Variants in LCORL observed in about 807,000 individuals in gnomAD.
LCORL encodes ligand dependent nuclear receptor corepressor like.
LCORL carries 41 observed loss-of-function variants against 141.8 expected under a neutral mutation model. The observed-to-expected ratio is 0.29, with a 90% CI of 0.23 to 0.38. LCORL has a LOEUF of 0.38. LCORL is among the 10% of genes least tolerant of loss of function. The probability of loss-of-function intolerance (pLI) is 1.00; values close to 1 mark genes in which losing one functional copy is unlikely to be tolerated. For missense variants in LCORL, 1,759 were observed against 2,035.0 expected, an observed-to-expected ratio of 0.86 and a Z score of 2.61; for synonymous variants, 618 against 694.1, an observed-to-expected ratio of 0.89 and a Z score of 1.72.
At chr4:17,986,315 G>C (rs973592180) in intron 1 of LCORL, among the ~76,000 whole-genome samples, 8 of 152,264 alleles carry the variant, frequency 5.3e-5, no homozygotes, top group Admixed American at 4.6e-4. Context: ...AGTGAGGTTG[G>C]GGAGGTTTTC....
chr4:17,948,175 G>A (rs1405385000), intron 4 of LCORL, among the ~76,000 whole-genome samples: 3 of 151,932 alleles, frequency 2.0e-5, no homozygotes, highest in Non-Finnish European at 2.9e-5. Context: ...TAAAAAAATA[G>A]TATTTTAAGT....
chr4:17,847,393 A>G (rs1372197013), intron 7 of LCORL, among the ~76,000 whole-genome samples: 2 of 152,138 alleles, frequency 1.3e-5, no homozygotes, highest in Admixed American at 1.3e-4. Flanking sequence ...ACCAACTCAT[A>G]TGCCATTCAA....
At chr4:17,846,398 GTA>G (rs1722942039) in intron 7 of LCORL, among the ~76,000 whole-genome samples, 1 of 152,144 alleles carries the variant, frequency 6.6e-6, no homozygotes, top group East Asian at 1.9e-4. Context: ...TGAGAGTTAA[GTA>G]CAAATATGCC....
intron 4 of LCORL, among the ~76,000 whole-genome samples, chr4:17,916,625 C>T (rs1577410003): frequency 6.7e-6 from 1 of 149,724 alleles, no homozygotes; most frequent in Admixed American, 6.7e-5. Flanking sequence ...AGCATGAAAG[C>T]ATGAGCCAAT....
chr4:17,915,236 C>T (rs1259006323), intron 4 of LCORL, among the ~76,000 whole-genome samples: 1 of 152,082 alleles, frequency 6.6e-6, no homozygotes, highest in African/African-American at 2.4e-5. Context: ...AAGATGGAAG[C>T]CTCCTGCAAG....
At chr4:17,907,552 A>G (rs541447889) in intron 5 of LCORL, among the ~76,000 whole-genome samples, 1 of 152,222 alleles carries the variant, frequency 6.6e-6, no homozygotes, top group African/African-American at 2.4e-5. Flanking sequence ...AAAAGCAAAT[A>G]AAAAAAATTC....
In LCORL at chr4:17,897,213, C is replaced by CCTTTTTTTTTTTTTTTTTT. The variant is rs1553863446; in HGVS notation, c.683-11053_683-11052insAAAAAAAAAAAAAAAAAAG. Among the ~76,000 whole-genome samples, 116 of 63,986 alleles carry CCTTTTTTTTTTTTTTTTTT rather than the reference C, an allele frequency of 1.8e-3. 55 individuals are homozygous for CCTTTTTTTTTTTTTTTTTT. The highest frequency in any genetic ancestry group is 2.0e-3 in the Non-Finnish European group (70 of 34,542). 42.0% of individuals were successfully genotyped at this position (63,986 alleles called of 152,430 possible). A position where few individuals can be genotyped will look rare whatever the true frequency, so the allele number is the denominator to read the frequency against. On this transcript the variant is annotated intron_variant, in intron 5 of 7. Transcript: ENST00000635767. The stretch of plus-strand genomic sequence containing the variant: ...AGACTTCTCTTTGATATACTGATTT[C>CCTTTTTTTTTTTTTTTTTT]TTTTTTTTTTTTTTTTTTTTTTTTT...
intron 1 of LCORL, among the ~76,000 whole-genome samples, chr4:17,985,255 G>T (rs1177160652): frequency 3.9e-5 from 6 of 152,050 alleles, no homozygotes; most frequent in Non-Finnish European, 8.8e-5. Context: ...TGCTGTTTTG[G>T]GATGGAGAGT....
chr4:17,948,227 C>T (rs1318469986), intron 4 of LCORL, among the ~76,000 whole-genome samples: 1 of 151,894 alleles, frequency 6.6e-6, no homozygotes, highest in Non-Finnish European at 1.5e-5. Flanking sequence ...TTCAGTTACT[C>T]AACAAGTATT....
intron 7 of LCORL, among the ~76,000 whole-genome samples, chr4:17,850,014 AAAAC>A (rs1478695583): frequency 4.0e-5 from 6 of 151,518 alleles, no homozygotes; most frequent in African/African-American, 1.5e-4. Flanking sequence ...AAACCTGAGA[AAAAC>A]AAGCAATGGG....
At chr4:17,971,554 C>T (rs188932498) in intron 2 of LCORL, among the ~76,000 whole-genome samples, 24 of 150,082 alleles carry the variant, frequency 1.6e-4, no homozygotes, top group Admixed American at 1.3e-3. Context: ...TCTTGTGATA[C>T]CTAAAAATAC....
intron 4 of LCORL, among the ~76,000 whole-genome samples, chr4:17,910,719 T>C (rs912561695): frequency 6.6e-6 from 1 of 152,188 alleles, no homozygotes; most frequent in African/African-American, 2.4e-5. Context: ...TATTGTCACA[T>C]TTGGTAGCAA....
intron 4 of LCORL, among the ~76,000 whole-genome samples, chr4:17,959,381 T>C (rs1713334958): frequency 6.6e-6 from 1 of 152,092 alleles, no homozygotes; most frequent in African/African-American, 2.4e-5. Flanking sequence ...TTTGAACTTC[T>C]TCTGGACGGC....
chr4:17,939,505 A>C (rs1455763405), intron 4 of LCORL, among the ~76,000 whole-genome samples: 20 of 152,132 alleles, frequency 1.3e-4, no homozygotes, highest in Admixed American at 1.3e-3. Context: ...TAAAAAAGAG[A>C]CTTACACAAG....
intron 1 of LCORL, among the ~76,000 whole-genome samples, chr4:18,010,397 T>C (rs1483664312): frequency 2.0e-5 from 2 of 98,054 alleles, no homozygotes; most frequent in African/African-American, 1.2e-4. Flanking sequence ...TGTGTGTGTG[T>C]CTGTGTGTGT....
At chr4:17,873,676 TAAAGCG>T (rs1726615167) in exon 7 of LCORL, 1 of 1,233,856 alleles carries the variant, frequency 8.1e-7, no homozygotes, top group Admixed American at 4.2e-5. Flanking sequence ...GATCTTAAAG[TAAAGCG>T]CTTTGATTCT....
intron 1 of LCORL, among the ~76,000 whole-genome samples, chr4:18,016,299 C>T (rs760466902): frequency 1.1e-4 from 17 of 152,134 alleles, no homozygotes; most frequent in Non-Finnish European, 2.5e-4. Context: ...AAAGTATAGA[C>T]AGGTTAAGCT....
intron 5 of LCORL, among the ~76,000 whole-genome samples, chr4:17,902,486 C>T (rs577426617): frequency 6.6e-6 from 1 of 152,250 alleles, no homozygotes; most frequent in East Asian, 1.9e-4. Context: ...TAGACAATTT[C>T]GTTAGCGGAC....
intron 1 of LCORL, among the ~76,000 whole-genome samples, chr4:17,996,993 G>A (rs1187712130): frequency 6.6e-6 from 1 of 152,048 alleles, no homozygotes; most frequent in Non-Finnish European, 1.5e-5. Context: ...TAAATTATAT[G>A]CACTTATAAG....
Sources: allele counts gnomAD v4.1 joint callset (sites outside exome capture counted in the v4.1 genomes callset), GRCh38; gene constraint gnomAD v4.1.1; transcripts MANE v1.5; gene names NCBI Gene and HGNC (gene_info 2026-07-23, HGNC 2026-07-21).